DMD: variants seen among roughly 807,000 people sequenced by gnomAD.
DMD encodes mutant dystrophin.
In DMD, 63 loss-of-function variants were observed where a neutral mutation model predicts 330.1. The observed-to-expected ratio is 0.19, with a 90% CI of 0.16 to 0.24. The LOEUF (loss-of-function observed/expected upper bound fraction) is 0.24, where lower values mean the gene tolerates loss of function less well. DMD is among the 10% of genes least tolerant of loss of function. The pLI is 1.00. For missense variants in DMD, 3,344 were observed against 2,684.1 expected, an observed-to-expected ratio of 1.25 and a Z score of -5.43; for synonymous variants, 1,223 against 959.8, an observed-to-expected ratio of 1.27 and a Z score of -5.07.
intron 44 of DMD, among the ~76,000 whole-genome samples, chrX:32,191,997 A>G (rs925713747): frequency 1.8e-4 from 20 of 112,166 alleles, no homozygotes; most frequent in African/African-American, 5.8e-4. Context: ...AAATACGACA[A>G]GTGTTGCCTG....
intron 7 of DMD, among the ~76,000 whole-genome samples, chrX:32,710,450 AG>A (rs1314510956): frequency 1.8e-5 from 2 of 111,433 alleles, no homozygotes; most frequent in Non-Finnish European, 3.8e-5. Context: ...TTTAAGTGAT[AG>A]GGAAAGAAGC....
chrX:32,005,006 C>G (rs998837793), intron 44 of DMD, among the ~76,000 whole-genome samples: 2 of 111,735 alleles, frequency 1.8e-5, no homozygotes, highest in African/African-American at 6.5e-5. Context: ...GCTGCATGCA[C>G]TCTAAAAGTT....
chrX:32,323,204 T>C (rs2097629272), intron 41 of DMD, among the ~76,000 whole-genome samples: 1 of 112,070 alleles, frequency 8.9e-6, no homozygotes, highest in Admixed American at 9.5e-5. Context: ...AGAGATGATA[T>C]GAAGTGTTCA....
At chrX:33,233,806 G>C (rs1450340163) in intron 1 of DMD, among the ~76,000 whole-genome samples, 1 of 111,704 alleles carries the variant, frequency 9.0e-6, no homozygotes, top group African/African-American at 3.3e-5. Flanking sequence ...ATGAGTATAG[G>C]TAAAACTGGG....
chrX:31,192,250 A>G (rs745368171), intron 67 of DMD, among the ~76,000 whole-genome samples: 2 of 112,368 alleles, frequency 1.8e-5, no homozygotes, highest in South Asian at 7.4e-4. Context: ...TGATAAAAAG[A>G]CTCTATAAAA....
intron 63 of DMD, among the ~76,000 whole-genome samples, chrX:31,241,678 C>T (rs958008811): frequency 5.4e-5 from 6 of 111,093 alleles, no homozygotes; most frequent in Admixed American, 1.9e-4. Flanking sequence ...TTAAGAAAAA[C>T]CTCTGGAGTC....
chrX:31,794,308 G>A (rs917857715), intron 50 of DMD, among the ~76,000 whole-genome samples: 4 of 111,349 alleles, frequency 3.6e-5, no homozygotes, highest in African/African-American at 1.3e-4. Flanking sequence ...AACATTCCTG[G>A]GGCTGTGATC....
chrX:31,758,508 G>GA (rs1238773066), intron 51 of DMD, among the ~76,000 whole-genome samples: 1 of 111,188 alleles, frequency 9.0e-6, no homozygotes, highest in African/African-American at 3.3e-5. Context: ...GAAGCTCTTA[G>GA]AAAACAATTA....
intron 43 of DMD, among the ~76,000 whole-genome samples, chrX:32,243,034 A>G (rs1421615881): frequency 9.2e-6 from 1 of 108,601 alleles, no homozygotes; most frequent in East Asian, 2.9e-4. Context: ...AAGTAAAGAA[A>G]AGAAAGAAAA....
At chrX:31,560,663 T>C (rs12558942) in intron 55 of DMD, among the ~76,000 whole-genome samples, 16,891 of 110,367 alleles carry the variant, frequency 0.15, 1,027 homozygotes, top group East Asian at 0.28. Flanking sequence ...AGCATTTAGA[T>C]TGGCAGCAAG....
chrX:31,489,756 G>A (rs1325010470), intron 57 of DMD, among the ~76,000 whole-genome samples: 1 of 111,715 alleles, frequency 9.0e-6, no homozygotes, highest in Admixed American at 9.5e-5. Flanking sequence ...AAAAGGAAGA[G>A]CACAGAAAAA....
At chrX:31,418,358 C>T (rs2067764040) in intron 60 of DMD, among the ~76,000 whole-genome samples, 1 of 111,310 alleles carries the variant, frequency 9.0e-6, no homozygotes, top group Non-Finnish European at 1.9e-5. Flanking sequence ...CTAATCACCT[C>T]CCAAGGGGCC....
intron 71 of DMD, among the ~76,000 whole-genome samples, chrX:31,176,821 A>G (rs940256450): frequency 1.8e-5 from 2 of 111,417 alleles, no homozygotes; most frequent in Non-Finnish European, 3.8e-5. Context: ...GGGCGCAATA[A>G]CGAAGTTTTA....
chrX:32,939,276 A>G (rs1173964424), intron 2 of DMD, among the ~76,000 whole-genome samples: 2 of 108,423 alleles, frequency 1.8e-5, no homozygotes, highest in African/African-American at 6.7e-5. Context: ...ATACGTGTAT[A>G]TATATATTTG....
At chrX:32,746,718 C>T (rs1234176754) in intron 7 of DMD, among the ~76,000 whole-genome samples, 1 of 111,612 alleles carries the variant, frequency 9.0e-6, no homozygotes, top group Non-Finnish European at 1.9e-5. Context: ...GTTTCAAAAT[C>T]CTCTCTTCTA....
chrX:32,808,722 A>G (rs1479432051), intron 7 of DMD, among the ~76,000 whole-genome samples: 2 of 111,938 alleles, frequency 1.8e-5, no homozygotes, highest in East Asian at 2.8e-4. Context: ...ATCATCTTCA[A>G]TCCCACCGAT....
rs5927996 is a variant in DMD at position 32,485,710 on chromosome X, T to C, written c.2623-611A>G. 7.9e-3 allele frequency among the ~76,000 whole-genome samples: 726 copies of C among 92,049 alleles called. 2 individuals are homozygous for C. Among genetic ancestry groups the C allele is most frequent in the Non-Finnish European group, 0.013 (618 of 46,968 alleles). 79.9% of individuals were successfully genotyped at this position (92,049 alleles called of 115,157 possible). On this transcript the variant is annotated intron_variant, in intron 20 of 78. Coordinates refer to ENST00000357033, the MANE Select transcript of DMD (RefSeq NM_004006.3). ...ATGTTTTGTATGGTCTCATTACTTC[T>C]CCTGACCAAACAGGCAACCACTGCT...
At chrX:32,621,577 G>T (rs1446962955) in intron 11 of DMD, among the ~76,000 whole-genome samples, 1 of 109,177 alleles carries the variant, frequency 9.2e-6, no homozygotes, top group African/African-American at 3.3e-5. Context: ...TCTCCCCTTG[G>T]CCTCCCAAAA....
chrX:31,869,593 ATAT>A (rs2093858368), intron 48 of DMD, among the ~76,000 whole-genome samples: 1 of 108,581 alleles, frequency 9.2e-6, no homozygotes, highest in Non-Finnish European at 1.9e-5. Flanking sequence ...GTGACTGCCC[ATAT>A]TATTACTGAG....
Sources: allele counts gnomAD v4.1 joint callset (sites outside exome capture counted in the v4.1 genomes callset), GRCh38; gene constraint gnomAD v4.1.1; transcripts MANE v1.5; gene names NCBI Gene and HGNC (gene_info 2026-07-23, HGNC 2026-07-21).